Variants in SIN3B observed in about 807,000 individuals in gnomAD.
SIN3B encodes the protein paired amphipathic helix protein Sin3b.
SIN3B carries 19 observed loss-of-function variants against 120.2 expected under a neutral mutation model. That is an observed-to-expected ratio of 0.16 (90% CI 0.11 to 0.23). The LOEUF (loss-of-function observed/expected upper bound fraction) is 0.23, where lower values mean the gene tolerates loss of function less well. Ranked by LOEUF, SIN3B falls within the 10% of genes least tolerant of loss-of-function variation. The pLI, the probability that SIN3B is intolerant of heterozygous loss-of-function variation, is 1.00. For synonymous variants in SIN3B, 654 were observed against 653.2 expected, an observed-to-expected ratio of 1.00 and a Z score of -0.02; for missense variants, 1,073 against 1,573.0, an observed-to-expected ratio of 0.68 and a Z score of 5.38.
At position 16,837,976 on chromosome 19, in the gene SIN3B, C is replaced by T. The variant is rs184692363; in HGVS notation, c.382-3792C>T. On this transcript the variant is annotated intron_variant, in intron 3 of 18. Transcript: ENST00000248054. Reference sequence around the variant, plus strand: ...GATGCTCAGATGGACGTGTCGGCCACGCAGGATGGTTGTCATGGTGTGGGA... The same window carrying T: ...GATGCTCAGATGGACGTGTCGGCCATGCAGGATGGTTGTCATGGTGTGGGA... 1.8e-3 allele frequency among the ~76,000 whole-genome samples: 278 copies of T among 151,976 alleles called. 1 individual carries two copies. Among genetic ancestry groups the T allele is most frequent in the Middle Eastern group, 0.014 (4 of 294 alleles).
intron 14 of SIN3B, among the ~76,000 whole-genome samples, chr19:16,871,898 G>A (rs2051516535): frequency 6.6e-6 from 1 of 152,128 alleles, no homozygotes; most frequent in African/African-American, 2.4e-5. Flanking sequence ...CCGTGTCCCT[G>A]TTGACAAACC....
chr19:16,832,291 A>G (rs930756115), intron 3 of SIN3B, among the ~76,000 whole-genome samples: 12 of 143,028 alleles, frequency 8.4e-5, no homozygotes, highest in African/African-American at 2.9e-4. Flanking sequence ...TCCGCCTCCC[A>G]GGTTCAAGCA....
intron 6 of SIN3B, 101 bp downstream of exon 6, chr19:16,851,635 G>C: frequency 7.0e-7 from 1 of 1,430,708 alleles, no homozygotes; most frequent in South Asian, 1.5e-5. Context: ...GCAGGGGTTC[G>C]GGGCTGGACC....
intron 14 of SIN3B, among the ~76,000 whole-genome samples, chr19:16,874,517 C>T (rs568771762): frequency 1.1e-4 from 16 of 142,434 alleles, no homozygotes; most frequent in South Asian, 4.6e-4. Context: ...CTGATTTGGT[C>T]TGCTCTGATC....
chr19:16,845,156 C>T (rs1971463872), intron 4 of SIN3B, among the ~76,000 whole-genome samples: 1 of 152,228 alleles, frequency 6.6e-6, no homozygotes, highest in South Asian at 2.1e-4. Context: ...ACTGTCTCTG[C>T]AGCATGAATT....
At chr19:16,838,586 A>T (rs1971376954) in intron 3 of SIN3B, among the ~76,000 whole-genome samples, 2 of 152,008 alleles carry the variant, frequency 1.3e-5, no homozygotes, top group African/African-American at 4.8e-5. Context: ...CTGTTGATGG[A>T]TGTTTGGCCT....
chr19:16,868,134 G>A (rs1028311028), intron 12 of SIN3B, among the ~76,000 whole-genome samples: 1 of 152,190 alleles, frequency 6.6e-6, no homozygotes, highest in Non-Finnish European at 1.5e-5. Flanking sequence ...CTGCTTCAGA[G>A]GGGACTGTAA....
In SIN3B at chr19:16,831,651, T is replaced by C; in HGVS notation, c.381+4T>C. On this transcript the variant is annotated splice_donor_region_variant and intron_variant, in intron 3 of 18. Coordinates refer to ENST00000248054, the MANE Select transcript of SIN3B (RefSeq NM_001297595.2). Reference sequence around the variant, plus strand: ...ACAGTCGCCTCTGACAAGCCAGGTATGCCACTACAGTGGTTCGGGTGATCT... The same window carrying C: ...ACAGTCGCCTCTGACAAGCCAGGTACGCCACTACAGTGGTTCGGGTGATCT... The C allele has an allele frequency of 6.2e-7, 1 of 1,613,806 alleles. No individual in the cohort carries two copies. Among genetic ancestry groups the C allele is most frequent in the South Asian group, 1.1e-5 (1 of 91,086 alleles).
intron 3 of SIN3B, among the ~76,000 whole-genome samples, chr19:16,832,729 C>T (rs1317274236): frequency 1.3e-5 from 2 of 151,994 alleles, no homozygotes; most frequent in Non-Finnish European, 2.9e-5. Flanking sequence ...GTCTCGATCT[C>T]CTGGCCTCAA....
chr19:16,858,234 G>A (rs998753674), intron 8 of SIN3B, among the ~76,000 whole-genome samples: 5 of 152,016 alleles, frequency 3.3e-5, no homozygotes, highest in Non-Finnish European at 7.4e-5. Context: ...GATTCCCTCC[G>A]ATTCTAGTCC....
Position 16,876,358 on chromosome 19 carries a change from T to G in SIN3B, c.2767-128T>G. 7.2e-7 allele frequency: 1 copy of G among 1,385,776 alleles called. No homozygotes were observed. The highest frequency in any genetic ancestry group is 9.9e-7 in the Non-Finnish European group (1 of 1,011,836). The allele number at this position is 1,385,776 out of a possible 1,614,324, so 85.8% of individuals were successfully genotyped here. On this transcript the variant is annotated intron_variant, in intron 15 of 18. Transcript: ENST00000248054. The surrounding 1 kb of genome is among the most constrained non-coding windows in gnomAD (Gnocchi z 7.1). ...CCTGCTGCAGAGCCCATGAGGTACC[T>G]TTGACCTGCAGGAAGCATCAGGGCT...
chr19:16,848,431 T>A (rs1033012485), intron 5 of SIN3B, among the ~76,000 whole-genome samples: 1 of 151,788 alleles, frequency 6.6e-6, no homozygotes, highest in South Asian at 2.1e-4. Flanking sequence ...TCCAGGTTTT[T>A]TTTTTTTTTT....
At chr19:16,874,175 T>C (rs1208598053) in intron 14 of SIN3B, among the ~76,000 whole-genome samples, 4 of 152,270 alleles carry the variant, frequency 2.6e-5, no homozygotes, top group African/African-American at 9.6e-5. Context: ...AGGAACAGCC[T>C]GCACTCAGGC....
At chr19:16,872,843 G>A (rs1321516269) in intron 14 of SIN3B, among the ~76,000 whole-genome samples, 2 of 152,174 alleles carry the variant, frequency 1.3e-5, no homozygotes, top group African/African-American at 4.8e-5. Context: ...GTCATTCTGT[G>A]AGATTCCTGT....
intron 11 of SIN3B, 35 bp downstream of exon 11, chr19:16,865,683 C>A: frequency 7.4e-7 from 1 of 1,360,440 alleles, no homozygotes. Context: ...CTTCCCCTTC[C>A]CCTTCCCCCT....
At chr19:16,844,450 AACTGAGC>A (rs1032531515) in intron 4 of SIN3B, among the ~76,000 whole-genome samples, 1 of 152,192 alleles carries the variant, frequency 6.6e-6, no homozygotes, top group African/African-American at 2.4e-5. Flanking sequence ...CAGTGAGGTT[AACTGAGC>A]AACCAGTTCA....
chr19:16,839,653 T>C (rs1045083172), intron 3 of SIN3B, among the ~76,000 whole-genome samples: 5 of 152,068 alleles, frequency 3.3e-5, no homozygotes, highest in Non-Finnish European at 1.5e-5. Flanking sequence ...CTGTGCACCA[T>C]GGAGAAACAG....
At chr19:16,831,397 A>G in intron 2 of SIN3B, 97 bp from the exon 3 acceptor site, 3 of 1,272,058 alleles carry the variant, frequency 2.4e-6, no homozygotes, top group Non-Finnish European at 3.3e-6. Flanking sequence ...GTCTGTTGAG[A>G]AGGTTTTTAT....
chr19:16,841,742 G>T, intron 3 of SIN3B, 26 bp from the exon 4 acceptor site: 1 of 1,606,618 alleles, frequency 6.2e-7, no homozygotes, highest in Non-Finnish European at 8.5e-7. Context: ...GTCGGGCCTG[G>T]CAGTAACTCA....
Sources: gnomAD v4.1 joint callset for allele counts (sites outside exome capture counted in the v4.1 genomes callset) on GRCh38, gnomAD v4.1.1 for gene constraint, Gnocchi (gnomAD v3.1) non-coding constraint, MANE v1.5 for transcripts, NCBI Gene and HGNC (gene_info 2026-07-23, HGNC 2026-07-21) for gene names.